The following DCC variants were observed in gnomAD, a reference collection of about 807,000 sequenced individuals.
The protein encoded by DCC is netrin receptor DCC.
A neutral mutation model predicts 172.5 loss-of-function variants in DCC; 58 were observed. The observed-to-expected ratio is 0.34, with a 90% CI of 0.27 to 0.42. The LOEUF is 0.42. Ranked by LOEUF, DCC falls within the 10% of genes least tolerant of loss-of-function variation. The pLI, the probability that DCC is intolerant of heterozygous loss-of-function variation, is 1.00. For synonymous variants in DCC, 709 were observed against 644.5 expected, an observed-to-expected ratio of 1.10 and a Z score of -1.52; for missense variants, 1,740 against 1,791.0, an observed-to-expected ratio of 0.97 and a Z score of 0.51.
chr18:52,947,148 T>C (rs1298243012), intron 5 of DCC, among the ~76,000 whole-genome samples: 1 of 152,160 alleles, frequency 6.6e-6, no homozygotes. Flanking sequence ...CATTAAGAAT[T>C]CAAGTTTCTG....
chr18:53,071,338 A>G (rs1316024886), intron 7 of DCC, among the ~76,000 whole-genome samples: 1 of 152,214 alleles, frequency 6.6e-6, no homozygotes, highest in African/African-American at 2.4e-5. Flanking sequence ...TTTGAAATGT[A>G]TGCATTTTCA....
At chr18:52,707,038 G>A (rs1013506828) in intron 1 of DCC, among the ~76,000 whole-genome samples, 1 of 152,218 alleles carries the variant, frequency 6.6e-6, no homozygotes, top group African/African-American at 2.4e-5. Context: ...TGAACCACAT[G>A]TGCAAAGGCA....
chr18:53,079,880 T>C (rs1398060577), intron 7 of DCC, among the ~76,000 whole-genome samples: 1 of 152,164 alleles, frequency 6.6e-6, no homozygotes, highest in East Asian at 1.9e-4. Flanking sequence ...TGTGTGGTTC[T>C]GTAAGGCTGT....
intron 7 of DCC, among the ~76,000 whole-genome samples, chr18:53,116,032 C>T (rs2043404325): frequency 6.6e-6 from 1 of 151,512 alleles, no homozygotes; most frequent in Non-Finnish European, 1.5e-5. Context: ...TCTGCCAAAT[C>T]CTCATAATGG....
intron 9 of DCC, among the ~76,000 whole-genome samples, chr18:53,194,541 C>A (rs1171215098): frequency 6.6e-6 from 1 of 151,942 alleles, no homozygotes; most frequent in Non-Finnish European, 1.5e-5. Flanking sequence ...ACAATCTTGG[C>A]TCACTGCAAC....
intron 2 of DCC, among the ~76,000 whole-genome samples, chr18:52,811,437 G>T (rs368701111): frequency 2.6e-5 from 4 of 152,086 alleles, no homozygotes; most frequent in African/African-American, 9.7e-5. Context: ...AATAGCATTC[G>T]CTTGGTTAAG....
At chr18:52,546,659 T>TC (rs1555695889) in intron 1 of DCC, among the ~76,000 whole-genome samples, 6 of 150,194 alleles carry the variant, frequency 4.0e-5, no homozygotes, top group East Asian at 2.0e-4. Context: ...TCAATAATAA[T>TC]ATCATCATCA....
At chr18:52,577,431 G>A (rs926024483) in intron 1 of DCC, among the ~76,000 whole-genome samples, 55 of 152,122 alleles carry the variant, frequency 3.6e-4, no homozygotes, top group Non-Finnish European at 5.9e-4. Flanking sequence ...TTTAAAAAAT[G>A]AAATAAAATG....
intron 1 of DCC, among the ~76,000 whole-genome samples, chr18:52,641,633 A>G (rs549731140): frequency 3.7e-4 from 56 of 152,290 alleles, no homozygotes; most frequent in African/African-American, 1.3e-3. Flanking sequence ...GTCACTAATG[A>G]TCAGGGAAAT....
intron 8 of DCC, among the ~76,000 whole-genome samples, 179 bp from the exon 9 acceptor site, chr18:53,178,783 G>A (rs550590900): frequency 8.5e-5 from 13 of 152,208 alleles, no homozygotes; most frequent in African/African-American, 2.9e-4. Context: ...TTATTTGTAG[G>A]TCCTTCCAAT....
chr18:53,296,925 T>TA (rs1057490010), intron 12 of DCC, among the ~76,000 whole-genome samples: 8 of 152,326 alleles, frequency 5.3e-5, no homozygotes, highest in African/African-American at 1.9e-4. Flanking sequence ...TCCATCTAGA[T>TA]AAAACCATCT....
At chr18:52,811,545 T>C (rs1229810766) in intron 2 of DCC, among the ~76,000 whole-genome samples, 1 of 145,602 alleles carries the variant, frequency 6.9e-6, no homozygotes, top group Admixed American at 6.9e-5. Flanking sequence ...AAAACTAATT[T>C]GGATTGAGTA....
chr18:53,301,417 A>T (rs1020256716), intron 12 of DCC, among the ~76,000 whole-genome samples: 1 of 149,926 alleles, frequency 6.7e-6, no homozygotes, highest in African/African-American at 2.5e-5. Flanking sequence ...ACAGCCTGTA[A>T]TTTGTTTCTA....
intron 5 of DCC, among the ~76,000 whole-genome samples, chr18:52,968,792 G>A (rs563049000): frequency 6.6e-6 from 1 of 152,186 alleles, no homozygotes; most frequent in Admixed American, 6.5e-5. Flanking sequence ...AATTTAATTA[G>A]TAAAATCTAA....
intron 1 of DCC, among the ~76,000 whole-genome samples, chr18:52,637,618 GAA>G (rs990145977): frequency 6.6e-6 from 1 of 152,074 alleles, no homozygotes; most frequent in Admixed American, 6.6e-5. Context: ...CAAAGGCAAA[GAA>G]AAAAGAGTAA....
intron 9 of DCC, among the ~76,000 whole-genome samples, chr18:53,187,792 A>G (rs1004151444): frequency 4.6e-5 from 7 of 152,170 alleles, no homozygotes; most frequent in Non-Finnish European, 7.4e-5. Context: ...CCAAGATCCC[A>G]TGCAATGAGG....
At chr18:53,065,422 C>T (rs1037469835) in intron 6 of DCC, among the ~76,000 whole-genome samples, 8 of 152,092 alleles carry the variant, frequency 5.3e-5, no homozygotes, top group Admixed American at 1.3e-4. Flanking sequence ...GTTAATGTTG[C>T]TGTATTTAAT....
At chr18:53,258,003 G>A (rs941048998) in intron 12 of DCC, among the ~76,000 whole-genome samples, 1 of 152,120 alleles carries the variant, frequency 6.6e-6, no homozygotes, top group African/African-American at 2.4e-5. Flanking sequence ...TTGTGTAGAG[G>A]TCTTTATAGT....
chr18:52,965,496 C>T (rs1320606384), intron 5 of DCC, among the ~76,000 whole-genome samples: 1 of 152,106 alleles, frequency 6.6e-6, no homozygotes, highest in African/African-American at 2.4e-5. Context: ...TATTGCCATG[C>T]ACCTTATATA....
Sources: gnomAD v4.1 joint callset for allele counts (sites outside exome capture counted in the v4.1 genomes callset) on GRCh38, gnomAD v4.1.1 for gene constraint, MANE v1.5 for transcripts, NCBI Gene and HGNC (gene_info 2026-07-23, HGNC 2026-07-21) for gene names.